The following CD109 variants were observed in gnomAD, a reference collection of about 807,000 sequenced individuals.
CD109 encodes the protein CD109 molecule.
A neutral mutation model predicts 165.8 loss-of-function variants in CD109; 149 were observed. The observed-to-expected ratio is 0.90, with a 90% confidence interval of 0.79 to 1.03. The LOEUF is 1.03. CD109 is among the 50% of genes least tolerant of loss of function. The probability of loss-of-function intolerance (pLI) is 0.00; values close to 1 mark genes in which losing one functional copy is unlikely to be tolerated. For synonymous variants in CD109, 585 were observed against 592.1 expected (o/e 0.99, Z 0.18); for missense variants, 1,712 against 1,677.8 (o/e 1.02, Z -0.36).
chr6:73,758,055 C>T lies in CD109; in HGVS notation c.674-889C>T, dbSNP rs183422729. ...TGGATTTTCTTGGTGGTGGGGGTTGCGGGGGCGGGGTCATAGTTGACTCAC... is the reference window on the plus strand; with the variant it reads ...TGGATTTTCTTGGTGGTGGGGGTTGTGGGGGCGGGGTCATAGTTGACTCAC... On this transcript the variant is annotated intron_variant, in intron 6 of 32. Transcript: ENST00000287097. 2.1e-3 allele frequency among the ~76,000 whole-genome samples: 318 copies of T among 151,592 alleles called. 4 individuals carry two copies. The highest frequency in any genetic ancestry group is 2.2e-3 in the Non-Finnish European group (146 of 67,854).
chr6:73,771,775 G>C (rs1774043694), intron 15 of CD109, among the ~76,000 whole-genome samples, 194 bp downstream of exon 15: 1 of 152,216 alleles, frequency 6.6e-6, no homozygotes, highest in Non-Finnish European at 1.5e-5. Flanking sequence ...ATGTGGTTAA[G>C]TGTCCTTGCT....
At chr6:73,819,321 AC>A (rs1407794506) in intron 31 of CD109, among the ~76,000 whole-genome samples, 7 of 152,212 alleles carry the variant, frequency 4.6e-5, no homozygotes, top group African/African-American at 1.7e-4. Context: ...CTGAATGAGT[AC>A]TACTGATTCA....
chr6:73,688,761 GTTTTTTTTTTTTTTTT>G, the CD109 span, among the ~76,000 whole-genome samples: 10 of 73,528 alleles, frequency 1.4e-4, no homozygotes, highest in Non-Finnish European at 2.7e-5. Flanking sequence ...GTTTTTCTTT[GTTTTTTTTTTTTTTTT>G]TTTTTTTTTT....
chr6:73,820,086 G>C (rs1021848054), intron 31 of CD109, among the ~76,000 whole-genome samples: 2 of 152,148 alleles, frequency 1.3e-5, no homozygotes, highest in African/African-American at 4.8e-5. Context: ...GGGTGACATG[G>C]CTTGCATGAG....
the CD109 span, among the ~76,000 whole-genome samples, chr6:73,683,644 CCGTTTTCACACTG>C: frequency 6.6e-6 from 1 of 152,244 alleles, no homozygotes; most frequent in African/African-American, 2.4e-5. Flanking sequence ...CTGTATTAGT[CCGTTTTCACACTG>C]CTGATAAAGA....
chr6:73,782,470 C>G, intron 17 of CD109, 144 bp from the exon 18 acceptor site: 1 of 691,690 alleles, frequency 1.4e-6, no homozygotes, highest in South Asian at 2.6e-5. Context: ...TACCTTTTCA[C>G]TGTAACAGAA....
chr6:73,799,228 G>C (rs1775277980), intron 23 of CD109, among the ~76,000 whole-genome samples: 1 of 152,150 alleles, frequency 6.6e-6, no homozygotes, highest in Admixed American at 6.6e-5. Flanking sequence ...AAATGAACTA[G>C]AGTAGTGATA....
At position 73,765,957 on chromosome 6, in the gene CD109, C is replaced by T. The variant is rs1562054572; in HGVS notation, c.1135C>T (p.Gln379Ter). The T allele has an allele frequency of 1.9e-6, 3 of 1,613,864 alleles. No homozygotes were observed. The highest frequency in any genetic ancestry group is 2.7e-5 in the African/African-American group (2 of 75,000). ...TVKVTRADGN[Q>*]LTLEERRNNV... is the part of the protein sequence containing the mutation. ...GAAGGTAACTCGTGCTGATGGCAAC[C>T]AACTGACTCTTGAAGAAAGAAGAAA... The change falls in exon 11 of 33, where the codon CAA becomes TAA. Residue 379 changes from glutamine to a stop codon, truncating the protein, a stop_gained. Transcript: ENST00000287097. LOFTEE classifies it high-confidence loss of function.
At chr6:73,736,858 A>G (rs1419241161) in intron 5 of CD109, among the ~76,000 whole-genome samples, 1 of 152,252 alleles carries the variant, frequency 6.6e-6, no homozygotes, top group African/African-American at 2.4e-5. Context: ...CCTTAGAATA[A>G]TGACTCCTAA....
chr6:73,756,612 T>TTGGAGTTCTTTTTTTTCTCCCCTGC (rs1773401158), intron 5 of CD109, 31 bp from the exon 6 acceptor site: 2 of 1,466,792 alleles, frequency 1.4e-6, no homozygotes, highest in Admixed American at 2.3e-5. Flanking sequence ...TCATATACTT[T>TTGGAGTTCTTTTTTTTCTCCCCTGC]CCTGTCTTTT....
At chr6:73,712,204 G>A (rs966780542) in intron 2 of CD109, among the ~76,000 whole-genome samples, 6 of 13,890 alleles carry the variant, frequency 4.3e-4, no homozygotes, top group Non-Finnish European at 1.2e-3. Context: ...GCGAGACTCC[G>A]TCTCAAAAAA....
chr6:73,783,757 C>T lies in CD109; in HGVS notation c.2156C>T (p.Ser719Phe). 2 of 1,613,344 alleles carry T rather than the reference C, an allele frequency of 1.2e-6. No individual in the cohort carries two copies. The highest frequency in any genetic ancestry group is 2.2e-5 in the South Asian group (2 of 91,036). Residue 719 changes from serine to phenylalanine, a missense_variant, in exon 19 of 33, where the codon TCT becomes TTT. Ser to Phe is a radical substitution (Grantham distance 155). Transcript: ENST00000287097. The stretch of plus-strand genomic sequence containing the variant: ...GTAACTGTACCTGATTCTATCACTT[C>T]TTGGGTGGCTACTGGTTTTGTGATC... Reference protein sequence around the residue: ...FEVTVPDSITSWVATGFVISE... With the variant: ...FEVTVPDSITFWVATGFVISE...
intron 3 of CD109, among the ~76,000 whole-genome samples, chr6:73,724,887 C>A (rs558363477): frequency 6.6e-6 from 1 of 152,260 alleles, no homozygotes; most frequent in African/African-American, 2.4e-5. Context: ...CAGGAGTGAA[C>A]CACCATGCCT....
chr6:73,811,357 C>A (rs374652918), intron 28 of CD109, among the ~76,000 whole-genome samples: 3 of 152,038 alleles, frequency 2.0e-5, no homozygotes, highest in Non-Finnish European at 4.4e-5. Context: ...GGAGAAAACA[C>A]GGGCACTGTA....
chr6:73,767,979 A>G (rs1562056196), intron 13 of CD109, 76 bp from the exon 14 acceptor site: 2 of 1,245,448 alleles, frequency 1.6e-6, no homozygotes. Flanking sequence ...TATGCATACA[A>G]TTATGATTAA....
intron 24 of CD109, among the ~76,000 whole-genome samples, chr6:73,806,339 A>G (rs1246464700): frequency 6.6e-6 from 1 of 151,588 alleles, no homozygotes; most frequent in East Asian, 1.9e-4. Context: ...AGGAAGGGGA[A>G]CATTACACAC....
Position 73,803,713 on chromosome 6 carries a change from A to G in CD109, c.2960+412A>G, listed in dbSNP as rs200050380. Among the ~76,000 whole-genome samples, 85 of 79,034 alleles carry G rather than the reference A, an allele frequency of 1.1e-3. 1 individual carries two copies. The highest frequency in any genetic ancestry group is 3.9e-3 in the African/African-American group (82 of 21,122). 51.8% of individuals were successfully genotyped at this position (79,034 alleles called of 152,430 possible). On this transcript the variant is annotated intron_variant, in intron 24 of 32. Transcript: ENST00000287097. ...TTTGTGTGTGTGTGTGTGTGTGTGT[A>G]AAAAACAAACACTGATGGAATTAAG...
intron 24 of CD109, among the ~76,000 whole-genome samples, chr6:73,806,413 A>G (rs1407356637): frequency 6.6e-6 from 1 of 152,150 alleles, no homozygotes; most frequent in East Asian, 1.9e-4. Flanking sequence ...CCTAATGTAA[A>G]TGACGCGTTA....
chr6:73,778,831 G>A (rs1358142580), intron 15 of CD109, among the ~76,000 whole-genome samples: 4 of 151,446 alleles, frequency 2.6e-5, no homozygotes, highest in Non-Finnish European at 5.9e-5. Flanking sequence ...TTCTGACTTT[G>A]TCTTAATTTG....
Sources: gnomAD v4.1 joint callset for allele counts (sites outside exome capture counted in the v4.1 genomes callset) on GRCh38, gnomAD v4.1.1 for gene constraint, MANE v1.5 for transcripts, NCBI Gene and HGNC (gene_info 2026-07-23, HGNC 2026-07-21) for gene names.